The following SLC4A7 variants were observed in gnomAD, a reference collection of about 807,000 sequenced individuals.
SLC4A7 encodes the protein sodium bicarbonate cotransporter 3.
SLC4A7 carries 51 observed loss-of-function variants against 137.6 expected under a neutral mutation model. The ratio of observed to expected loss-of-function variants is 0.37; its 90% CI spans 0.30 to 0.47. The LOEUF is 0.47. Ranked by LOEUF, SLC4A7 falls within the 20% of genes least tolerant of loss-of-function variation. The pLI, the probability that SLC4A7 is intolerant of heterozygous loss-of-function variation, is 1.00. For synonymous variants in SLC4A7, 542 were observed against 518.6 expected, an observed-to-expected ratio of 1.05 and a Z score of -0.61; for missense variants, 1,247 against 1,525.4, an observed-to-expected ratio of 0.82 and a Z score of 3.04.
intron 23 of SLC4A7, among the ~76,000 whole-genome samples, chr3:27,384,255 T>C (rs4973769): frequency 0.21 from 32,491 of 152,104 alleles, 3,559 homozygotes; most frequent in Non-Finnish European, 0.25. Context: ...GAGGTGCAAG[T>C]AGAACTTACT....
At chr3:27,479,747 C>T (rs73050096) in intron 1 of SLC4A7, among the ~76,000 whole-genome samples, 5,295 of 152,244 alleles carry the variant, frequency 0.035, 106 homozygotes, top group East Asian at 0.065. Flanking sequence ...ACTAAAAATA[C>T]TGTATGCATA....
chr3:27,452,388 G>A, intron 2 of SLC4A7, 29 bp downstream of exon 2: 1 of 1,395,840 alleles, frequency 7.2e-7, no homozygotes, highest in South Asian at 1.2e-5. Flanking sequence ...ATCCTACTAA[G>A]CGAAGTAAGT....
chr3:27,484,063 T>C lies in SLC4A7; in HGVS notation c.60+4A>G. 1 of 1,403,818 alleles carries C rather than the reference T, an allele frequency of 7.1e-7. No homozygotes were observed. The highest frequency in any genetic ancestry group is 9.3e-7 in the Non-Finnish European group (1 of 1,074,634). 87.0% of individuals were successfully genotyped at this position (1,403,818 alleles called of 1,614,324 possible). A position where few individuals can be genotyped will look rare whatever the true frequency, so the allele number is the denominator to read the frequency against. On this transcript the variant is annotated splice_donor_region_variant and intron_variant, in intron 1 of 25. Transcript: ENST00000454389. The stretch of plus-strand genomic sequence containing the variant: ...GAGGAGCCCCACCGCCGCGGCGCCC[T>C]CACCCTGCTCGTTACCCGGGTGAGT...
At chr3:27,455,544 T>C (rs1479908592) in intron 1 of SLC4A7, among the ~76,000 whole-genome samples, 1 of 151,960 alleles carries the variant, frequency 6.6e-6, no homozygotes, top group Non-Finnish European at 1.5e-5. Context: ...AATGAGAGTG[T>C]TTTCATGCGT....
At chr3:27,459,971 T>TTATATA (rs10552466) in intron 1 of SLC4A7, among the ~76,000 whole-genome samples, 35 of 144,628 alleles carry the variant, frequency 2.4e-4, no homozygotes, top group South Asian at 8.7e-4. Context: ...TCAGTGTTAT[T>TTATATA]TATATATATA....
At position 27,376,444 on chromosome 3, in the gene SLC4A7, C is replaced by G. The variant is rs74483567; in HGVS notation, c.*320G>C. 1,661 of 176,638 alleles carry G rather than the reference C, an allele frequency of 9.4e-3. 33 individuals carry two copies. The highest frequency in any genetic ancestry group is 0.036 in the African/African-American group (1,512 of 42,510). The allele number at this position is 176,638 out of a possible 1,614,324, so 10.9% of individuals were successfully genotyped here. A position where few individuals can be genotyped will look rare whatever the true frequency, so the allele number is the denominator to read the frequency against. ...AACAAAGTATCACTTAAGGTTTTTA[C>G]GAATTGCCACTGATGAACAGAGATT... On this transcript the variant is annotated 3_prime_UTR_variant, in exon 26 of 26. Transcript: ENST00000454389.
chr3:27,385,893 T>A lies in SLC4A7; in HGVS notation c.3491A>T (p.Glu1164Val). Reference protein sequence around the residue: ...KEDDKKKKEKEEAERMLQDDD... With the variant: ...KEDDKKKKEKVEAERMLQDDD... The stretch of plus-strand genomic sequence containing the variant: ...AGTTTAAAATTGTTATCTTTTTACC[T>A]CTTTCTCTTTTTTCTTTTTGTCATC... Residue 1164 changes from glutamate (E) to valine (V), a missense_variant and splice_region_variant, in exon 23 of 26, where the codon GAG becomes GTG. Coordinates refer to ENST00000454389, the MANE Select transcript of SLC4A7 (RefSeq NM_001321103.2). 6.5e-7 allele frequency: 1 copy of A among 1,541,924 alleles called. No homozygotes were observed. The highest frequency in any genetic ancestry group is 1.4e-5 in the African/African-American group (1 of 72,328).
At chr3:27,417,364 T>C (rs761132217) in intron 11 of SLC4A7, among the ~76,000 whole-genome samples, 6 of 152,004 alleles carry the variant, frequency 3.9e-5, no homozygotes, top group Non-Finnish European at 7.4e-5. Context: ...TTAAAAAAAA[T>C]AAAATGTAAT....
Position 27,465,019 on chromosome 3 carries a change from G to C in SLC4A7, c.61-12521C>G, listed in dbSNP as rs536237763. The stretch of plus-strand genomic sequence containing the variant: ...CGTGCCTAATCTTTCCCGGCCGTGT[G>C]ACAAGAACCCGGTTTTTTCTACAAC... On this transcript the variant is annotated intron_variant, in intron 1 of 25. Transcript: ENST00000454389. Among the ~76,000 whole-genome samples the C allele has an allele frequency of 2.0e-5, 3 of 152,056 alleles. No homozygotes were observed. The South Asian group carries it at 6.2e-4, about 32-fold the overall frequency.
intron 13 of SLC4A7, among the ~76,000 whole-genome samples, chr3:27,406,194 C>T (rs2053335446): frequency 6.6e-6 from 1 of 152,200 alleles, no homozygotes; most frequent in South Asian, 2.1e-4. Flanking sequence ...ATGGCCATAT[C>T]TTAACCTTTC....
intron 1 of SLC4A7, among the ~76,000 whole-genome samples, chr3:27,459,601 A>ATC (rs1401505606): frequency 1.3e-5 from 2 of 152,176 alleles, no homozygotes; most frequent in Non-Finnish European, 2.9e-5. Flanking sequence ...AAATATATAT[A>ATC]TTCTTACAAA....
In SLC4A7 at chr3:27,424,082, A is replaced by T; in HGVS notation, c.1221T>A (p.Asn407Lys). Residue 407 changes from asparagine to lysine, a missense_variant, in exon 8 of 26, where the codon AAT becomes AAA. Asn to Lys is a moderately conservative substitution (Grantham distance 94). Transcript: ENST00000454389. The stretch of plus-strand genomic sequence containing the variant: ...TATTTTCTCTGCTTCCACCACTTCC[A>T]TTACCTTTAATTTCTCCACTTTTAC... ...DNSKSGEIKG[N>K]GSGGSRENST... The T allele has an allele frequency of 6.2e-7, 1 of 1,612,004 alleles. No homozygotes were observed. The highest frequency in any genetic ancestry group is 2.2e-5 in the East Asian group (1 of 44,754).
chr3:27,453,463 A>G (rs191011144), intron 1 of SLC4A7, among the ~76,000 whole-genome samples: 1 of 152,244 alleles, frequency 6.6e-6, no homozygotes, highest in African/African-American at 2.4e-5. Context: ...AAAATACAAA[A>G]TTAGCCAGGT....
rs573818733 is a variant in SLC4A7, at chr3:27,438,550, AATAAC to A, written c.290-1029_290-1025del. On this transcript the variant is annotated intron_variant, in intron 3 of 25. Transcript: ENST00000454389. ...CACAAAATAAAATAAAATAAAATAA[AATAAC>A]ATAACATAACATAAAATAACAAAAT... Among the ~76,000 whole-genome samples the A allele has an allele frequency of 1.5e-3, 220 of 151,682 alleles. 1 individual carries two copies. Among genetic ancestry groups the A allele is most frequent in the African/African-American group, 4.4e-3 (183 of 41,410 alleles).
chr3:27,462,226 G>A (rs1559828228), intron 1 of SLC4A7, among the ~76,000 whole-genome samples: 2 of 152,160 alleles, frequency 1.3e-5, no homozygotes, highest in Non-Finnish European at 2.9e-5. Flanking sequence ...ACTTTGGAGA[G>A]TAAACTAGCA....
chr3:27,442,059 A>G (rs1434205153), intron 3 of SLC4A7, among the ~76,000 whole-genome samples: 1 of 151,836 alleles, frequency 6.6e-6, no homozygotes, highest in African/African-American at 2.4e-5. Context: ...TATTTTTAGT[A>G]GAGACGGGGT....
chr3:27,423,967 T>C (rs2055275288), intron 8 of SLC4A7, 70 bp downstream of exon 8: 1 of 911,904 alleles, frequency 1.1e-6, no homozygotes, highest in South Asian at 1.4e-5. Flanking sequence ...TTAATAATAT[T>C]AGCCACAAAT....
In SLC4A7 at chr3:27,404,833, C is replaced by A; in HGVS notation, c.2072G>T (p.Cys691Phe). 1 of 1,599,890 alleles carries A rather than the reference C, an allele frequency of 6.3e-7. No individual in the cohort carries two copies. Among genetic ancestry groups the A allele is most frequent in the Non-Finnish European group, 8.5e-7 (1 of 1,173,718 alleles). ...AGTAGAGAGGGCTATTACTTACCTG[C>A]AGAATTTATATAAAATTTTTTCAAA... ...LVFEKILYKF[C>F]RDYQLSYLSL... The change falls in exon 14 of 26, where the codon TGC becomes TTC. Residue 691 changes from cysteine to phenylalanine, a missense_variant. Cys to Phe is a radical substitution (Grantham distance 205). Transcript: ENST00000454389.
At chr3:27,393,103 C>A (rs373879089) in intron 20 of SLC4A7, among the ~76,000 whole-genome samples, 120 of 152,050 alleles carry the variant, frequency 7.9e-4, no homozygotes, top group South Asian at 7.5e-3. Flanking sequence ...GGGAAGTAAA[C>A]AGGGGAAGAA....
Sources: allele counts gnomAD v4.1 joint callset (sites outside exome capture counted in the v4.1 genomes callset), GRCh38; gene constraint gnomAD v4.1.1; transcripts MANE v1.5; gene names NCBI Gene and HGNC (gene_info 2026-07-23, HGNC 2026-07-21).